Variants in PNPLA7 observed in about 807,000 individuals in gnomAD.
The protein encoded by PNPLA7 is patatin-like phospholipase domain-containing protein 7.
PNPLA7 carries 153 observed loss-of-function variants against 161.7 expected under a neutral mutation model. The observed-to-expected ratio is 0.95, with a 90% CI of 0.83 to 1.08. PNPLA7 has a LOEUF of 1.08. PNPLA7 is among the 50% of genes least tolerant of loss of function. The probability of loss-of-function intolerance (pLI) is 0.00; values close to 1 mark genes in which losing one functional copy is unlikely to be tolerated. For synonymous variants in PNPLA7, 809 were observed against 782.1 expected (o/e 1.03, Z -0.57); for missense variants, 1,739 against 1,856.6 (o/e 0.94, Z 1.16).
intron 25 of PNPLA7, among the ~76,000 whole-genome samples, chr9:137,470,760 C>A (rs1261713110): frequency 1.3e-5 from 2 of 152,152 alleles, no homozygotes; most frequent in African/African-American, 2.4e-5. Flanking sequence ...AACATCAGGA[C>A]GAAATGGGTC....
intron 4 of PNPLA7, among the ~76,000 whole-genome samples, chr9:137,546,414 C>T (rs1294902620): frequency 6.6e-6 from 1 of 152,020 alleles, no homozygotes; most frequent in African/African-American, 2.4e-5. Context: ...GCTGTCTTTT[C>T]TTTTATCTTT....
rs540105727 is a variant in PNPLA7 at position 137,521,051 on chromosome 9, T to A, written c.957+585A>T. On this transcript the variant is annotated intron_variant, in intron 10 of 34. Coordinates refer to ENST00000406427, the MANE Select transcript of PNPLA7 (RefSeq NM_001098537.3). ...GGGCATGGGGAGGGGCAGCCTCTGC[T>A]GGACCGTGGCCATAGGGACCCCATG... is the stretch of plus-strand genomic sequence containing the variant. Among the ~76,000 whole-genome samples the A allele has an allele frequency of 1.6e-4, 24 of 146,064 alleles. No homozygotes were observed. The East Asian group carries it at 4.0e-3, about 24-fold the overall frequency.
intron 15 of PNPLA7, among the ~76,000 whole-genome samples, chr9:137,501,154 C>T (rs551878875): frequency 1.2e-4 from 19 of 152,344 alleles, no homozygotes; most frequent in East Asian, 1.2e-3. Flanking sequence ...CCTTCCCTCC[C>T]GGCACCCGCA....
intron 33 of PNPLA7, chr9:137,461,165 T>G (rs1158712576): frequency 9.0e-6 from 3 of 333,914 alleles, no homozygotes; most frequent in Non-Finnish European, 1.7e-5. Flanking sequence ...GGGCCCTGGA[T>G]GGAGCATGGA....
chr9:137,480,207 C>G, intron 23 of PNPLA7, 105 bp downstream of exon 23: 1 of 1,420,488 alleles, frequency 7.0e-7, no homozygotes. Context: ...CTCTTATCAT[C>G]TGTCTTTTTC....
rs374189651 is a variant in PNPLA7, at chr9:137,522,810, C to T, written c.795G>A (p.Pro265=). 183 of 1,613,650 alleles carry T rather than the reference C, an allele frequency of 1.1e-4. 1 individual carries two copies. The highest frequency in any genetic ancestry group is 3.5e-4 in the South Asian group (32 of 91,084). Residue 265 remains proline (P), a synonymous_variant, in exon 9 of 35, where the codon CCG becomes CCA. Transcript: ENST00000406427. ...CAGCTGGAAGCCGGAGGATGGTGGA[C>T]GGGATGGCCGCGCGGACGGAGACCG... The part of the protein sequence containing the change: ...YKTVSVRAAI[P]STILRLPAAA...
Position 137,467,581 on chromosome 9 carries a change from G to A in PNPLA7, c.2883-108C>T, listed in dbSNP as rs371770299. ...TCCCAACTCCTCCACAGGCAGAGAC[G>A]CTGACGCAGAGAGGGACTCCAGATG... is the stretch of plus-strand genomic sequence containing the variant. On this transcript the variant is annotated intron_variant, in intron 25 of 34. Transcript: ENST00000406427. The surrounding 1 kb of genome is among the most constrained non-coding windows in gnomAD (Gnocchi z 5.1). 4.3e-6 allele frequency: 6 copies of A among 1,392,012 alleles called. No individual in the cohort carries two copies. The highest frequency in any genetic ancestry group is 4.9e-6 in the Non-Finnish European group (5 of 1,028,246). 86.2% of individuals were successfully genotyped at this position (1,392,012 alleles called of 1,614,324 possible). A position where few individuals can be genotyped will look rare whatever the true frequency, so the allele number is the denominator to read the frequency against.
In PNPLA7 at chr9:137,476,908, G is replaced by C. The variant is rs1351238996; in HGVS notation, c.2882+1126C>G. Among the ~76,000 whole-genome samples the C allele has an allele frequency of 6.6e-6, 1 of 152,252 alleles. No individual in the cohort carries two copies. Among genetic ancestry groups the C allele is most frequent in the Non-Finnish European group, 1.5e-5 (1 of 68,044 alleles). On this transcript the variant is annotated intron_variant, in intron 25 of 34. Coordinates refer to ENST00000406427, the MANE Select transcript of PNPLA7 (RefSeq NM_001098537.3). This position sits in a 1 kb window ranked among gnomAD's most constrained non-coding sequence, Gnocchi z 4.5. ...AAAGTCCCTTAGACAGAAGGATGCA[G>C]TGGGCACCTCATCACCTAGAACAGC...
rs1831151197 is a variant in PNPLA7, at chr9:137,460,849, T to G, written c.3842-112A>C. ...CAGATGCCCACCCCCGCCTCCAAGG[T>G]GGCCCGGGGCCCTACACGCAGCCAC... On this transcript the variant is annotated intron_variant, in intron 33 of 34. Coordinates refer to ENST00000406427, the MANE Select transcript of PNPLA7 (RefSeq NM_001098537.3). The G allele has an allele frequency of 3.9e-6, 4 of 1,017,338 alleles. No individual in the cohort carries two copies. The South Asian group carries it at 6.1e-5, about 16-fold the overall frequency. 63.0% of individuals were successfully genotyped at this position (1,017,338 alleles called of 1,614,324 possible).
At chr9:137,512,307 C>A (rs1181525134) in intron 12 of PNPLA7, among the ~76,000 whole-genome samples, 1 of 152,262 alleles carries the variant, frequency 6.6e-6, no homozygotes, top group African/African-American at 2.4e-5. Flanking sequence ...GGTGGGGAGG[C>A]TTCTCCACAT....
Position 137,500,606 on chromosome 9 carries a change from C to CCAG in PNPLA7, c.1757+82_1757+84dup. On this transcript the variant is annotated intron_variant, in intron 16 of 34. Transcript: ENST00000406427. This position sits in a 1 kb window ranked among gnomAD's most constrained non-coding sequence, Gnocchi z 5.5. ...AGAAGCAGGGAAGAGGGTGAGAGCACCAGGAAGAGGCCGGCCACGCGGGGA... is the reference window on the plus strand; with the variant it reads ...AGAAGCAGGGAAGAGGGTGAGAGCACCAGCAGGAAGAGGCCGGCCACGCGGGGA... 1 of 1,292,532 alleles carries CCAG rather than the reference C, an allele frequency of 7.7e-7. No homozygotes were observed. Among genetic ancestry groups the CCAG allele is most frequent in the Non-Finnish European group, 1.1e-6 (1 of 920,382 alleles). 80.1% of individuals were successfully genotyped at this position (1,292,532 alleles called of 1,614,324 possible).
intron 26 of PNPLA7, 138 bp from the exon 27 acceptor site, chr9:137,464,594 GC>G: frequency 1.3e-6 from 1 of 798,338 alleles, no homozygotes; most frequent in Non-Finnish European, 2.1e-6. Context: ...CGGTCCTGAG[GC>G]TTGGCGCCCT....
Position 137,462,848 on chromosome 9 carries a change from G to A in PNPLA7, c.3344-15C>T. On this transcript the variant is annotated splice_polypyrimidine_tract_variant and intron_variant, in intron 29 of 34. Transcript: ENST00000406427. ...GGCCACATCCGCTAGGGAGAAGCCA[G>A]CCCTGGTTACCCCCTGGACAGGCAT... 1 of 1,613,272 alleles carries A rather than the reference G, an allele frequency of 6.2e-7. No individual in the cohort carries two copies. The highest frequency in any genetic ancestry group is 1.1e-5 in the South Asian group (1 of 91,064).
At position 137,524,936 on chromosome 9, in the gene PNPLA7, G is replaced by A. The variant is rs2132510557; in HGVS notation, c.748-2079C>T. Among the ~76,000 whole-genome samples, 1 of 152,344 alleles carries A rather than the reference G, an allele frequency of 6.6e-6. No homozygotes were observed. The highest frequency in any genetic ancestry group is 1.9e-4 in the East Asian group (1 of 5,190). On this transcript the variant is annotated intron_variant, in intron 8 of 34. Transcript: ENST00000406427. This position sits in a 1 kb window ranked among gnomAD's most constrained non-coding sequence, Gnocchi z 4.4. ...TGTCGCATAATAAAGAATTTAGCTGGTCTTGTCTTCAGTTCCCAGGAGAAA... is the reference window on the plus strand; with the variant it reads ...TGTCGCATAATAAAGAATTTAGCTGATCTTGTCTTCAGTTCCCAGGAGAAA...
At chr9:137,508,086 A>G (rs1834014921) in intron 12 of PNPLA7, among the ~76,000 whole-genome samples, 1 of 151,816 alleles carries the variant, frequency 6.6e-6, no homozygotes, top group Non-Finnish European at 1.5e-5. Flanking sequence ...CCAGCTACCC[A>G]TGAGGCTGAG....
In PNPLA7 at chr9:137,462,179, G is replaced by A; in HGVS notation, c.3645C>T (p.Cys1215=). 4 of 1,563,164 alleles carry A rather than the reference G, an allele frequency of 2.6e-6. No homozygotes were observed. The highest frequency in any genetic ancestry group is 1.4e-5 in the African/African-American group (1 of 73,660). The part of the protein sequence containing the change: ...TLDFGKFNEI[C]EVGYQHGRTV... ...GCCGCCGCGGGTGGCCGGCACTCACGCAGATCTCGTTGAACTTGCCGAAGT... is the reference window on the plus strand; with the variant it reads ...GCCGCCGCGGGTGGCCGGCACTCACACAGATCTCGTTGAACTTGCCGAAGT... Residue 1215 remains cysteine, a splice_region_variant and synonymous_variant, in exon 31 of 35, where the codon TGC becomes TGT. Coordinates refer to ENST00000406427, the MANE Select transcript of PNPLA7 (RefSeq NM_001098537.3).
chr9:137,536,464 G>T (rs566028717), intron 8 of PNPLA7, among the ~76,000 whole-genome samples: 1 of 152,046 alleles, frequency 6.6e-6, no homozygotes, highest in African/African-American at 2.4e-5. Flanking sequence ...TCACGGAGCC[G>T]CTGGTTCAGG....
chr9:137,483,149 G>A (rs1210422781), intron 21 of PNPLA7, among the ~76,000 whole-genome samples: 2 of 152,204 alleles, frequency 1.3e-5, no homozygotes, highest in Non-Finnish European at 2.9e-5. Context: ...TGGGATTACA[G>A]GCGTGAGCCA....
rs1356127209 is a variant in PNPLA7, at chr9:137,460,211, C to T, written c.*182G>A. The T allele has an allele frequency of 1.7e-6, 1 of 580,728 alleles. No individual in the cohort carries two copies. Among genetic ancestry groups the T allele is most frequent in the Non-Finnish European group, 3.0e-6 (1 of 328,524 alleles). 36.0% of individuals were successfully genotyped at this position (580,728 alleles called of 1,614,324 possible). A position where few individuals can be genotyped will look rare whatever the true frequency, so the allele number is the denominator to read the frequency against. On this transcript the variant is annotated 3_prime_UTR_variant, in exon 35 of 35. Coordinates refer to ENST00000406427, the MANE Select transcript of PNPLA7 (RefSeq NM_001098537.3). ...CAGGACTGCAGGGGGGCTCACAGGG[C>T]CCTGTATGCAGGGCTGCTGGTACAA...
Sources: allele counts gnomAD v4.1 joint callset (sites outside exome capture counted in the v4.1 genomes callset), GRCh38; gene constraint gnomAD v4.1.1; non-coding constraint Gnocchi (gnomAD v3.1); transcripts MANE v1.5; gene names NCBI Gene and HGNC (gene_info 2026-07-23, HGNC 2026-07-21).